XKR4: variants seen among roughly 807,000 people sequenced by gnomAD.
XKR4 encodes the protein XK-related protein 4.
Under a neutral mutation model 53.9 loss-of-function variants are expected in XKR4, and 12 were observed. The observed-to-expected ratio is 0.22, with a 90% CI of 0.14 to 0.36. The LOEUF (loss-of-function observed/expected upper bound fraction) is 0.36. Among genes scored for constraint, XKR4 ranks in the 10% least tolerant of loss-of-function variants. XKR4 has a pLI of 1.00. For synonymous variants in XKR4, 354 were observed against 362.4 expected (o/e 0.98, Z 0.26); for missense variants, 799 against 859.5 (o/e 0.93, Z 0.88).
intron 2 of XKR4, among the ~76,000 whole-genome samples, chr8:55,464,436 C>T (rs1383803457): frequency 1.3e-5 from 2 of 152,112 alleles, no homozygotes; most frequent in Non-Finnish European, 2.9e-5. Flanking sequence ...ACGCTTCATG[C>T]TAAAAACTCT....
At chr8:55,322,599 G>A (rs892329266) in intron 1 of XKR4, among the ~76,000 whole-genome samples, 1 of 152,172 alleles carries the variant, frequency 6.6e-6, no homozygotes, top group Admixed American at 6.5e-5. Flanking sequence ...TACCATTAGA[G>A]AAGACGAGTT....
chr8:55,197,783 T>G (rs1817524548), intron 1 of XKR4, among the ~76,000 whole-genome samples: 1 of 152,146 alleles, frequency 6.6e-6, no homozygotes, highest in South Asian at 2.1e-4. Flanking sequence ...GACCTCGTGA[T>G]CCACCTGCCT....
rs67070277 is a variant in XKR4 at position 55,207,632 on chromosome 8, GCGCGCACACACACACA to G, written c.806+104357_806+104372del. On this transcript the variant is annotated intron_variant, in intron 1 of 2. Coordinates refer to ENST00000327381, the MANE Select transcript of XKR4 (RefSeq NM_052898.2). ...ACACCTTATACACACACACACATGC[GCGCGCACACACACACA>G]CGCGCACACACACACACGTCTTTTG... 4.2e-3 allele frequency among the ~76,000 whole-genome samples: 15 copies of G among 3,568 alleles called. No individual in the cohort carries two copies. The South Asian group carries it at 0.047, about 11-fold the overall frequency. The allele number at this position is 3,568 out of a possible 152,430, so 2.3% of individuals were successfully genotyped here.
At chr8:55,469,128 T>C (rs1370315601) in intron 2 of XKR4, among the ~76,000 whole-genome samples, 3 of 152,126 alleles carry the variant, frequency 2.0e-5, no homozygotes, top group Admixed American at 6.5e-5. Flanking sequence ...TCTGTCTCCC[T>C]GCCTTTTTCC....
chr8:55,208,315 A>G (rs1817678327), intron 1 of XKR4, among the ~76,000 whole-genome samples: 1 of 152,208 alleles, frequency 6.6e-6, no homozygotes, highest in Non-Finnish European at 1.5e-5. Flanking sequence ...CTAGTAGCAG[A>G]GATATGATGA....
chr8:55,538,849 A>G lies in XKR4; in HGVS notation c.*14622A>G, dbSNP rs1235174594. The G allele has an allele frequency of 6.6e-6, 1 of 152,220 alleles. No homozygotes were observed. The highest frequency in any genetic ancestry group is 1.5e-5 in the Non-Finnish European group (1 of 68,044). 9.4% of individuals were successfully genotyped at this position (152,220 alleles called of 1,614,324 possible). On this transcript the variant is annotated 3_prime_UTR_variant, in exon 3 of 3. Transcript: ENST00000327381. ...ATTGAGTATCCTCTTCACCCCTAAG[A>G]TGACACATCTTTACAACACAATAAA...
At chr8:55,348,016 G>A (rs1803673544) in intron 1 of XKR4, among the ~76,000 whole-genome samples, 1 of 152,010 alleles carries the variant, frequency 6.6e-6, no homozygotes, top group South Asian at 2.1e-4. Context: ...ACCCTACCTA[G>A]CCCCCAGCCT....
At chr8:55,488,612 A>ATT (rs1197909843) in intron 2 of XKR4, among the ~76,000 whole-genome samples, 11 of 152,220 alleles carry the variant, frequency 7.2e-5, no homozygotes, top group Non-Finnish European at 1.5e-4. Flanking sequence ...AATTTCAACT[A>ATT]TATGATATTC....
At chr8:55,422,608 G>A (rs1474485206) in intron 2 of XKR4, among the ~76,000 whole-genome samples, 1 of 152,226 alleles carries the variant, frequency 6.6e-6, no homozygotes, top group Non-Finnish European at 1.5e-5. Context: ...AGCAGTGCAA[G>A]AGCAGCTGAG....
chr8:55,341,274 T>C (rs1463484197), intron 1 of XKR4, among the ~76,000 whole-genome samples: 1 of 152,060 alleles, frequency 6.6e-6, no homozygotes, highest in Non-Finnish European at 1.5e-5. Context: ...GAGGCAGTGG[T>C]CAGAACCCTT....
At chr8:55,145,977 G>A (rs550005342) in intron 1 of XKR4, among the ~76,000 whole-genome samples, 73 of 152,324 alleles carry the variant, frequency 4.8e-4, no homozygotes, top group African/African-American at 1.7e-3. Context: ...TGGTAATGTA[G>A]ACATTATCTT....
rs549824209 is a variant in XKR4, at chr8:55,510,161, C to G, written c.1007-13120C>G. On this transcript the variant is annotated intron_variant, in intron 2 of 2. Coordinates refer to ENST00000327381, the MANE Select transcript of XKR4 (RefSeq NM_052898.2). ...AGGGAAGGTCAATACTGCAAGAAGG[C>G]CAGGCAGAAGGCCTAGGTGGCAGAG... is the stretch of plus-strand genomic sequence containing the variant. Among the ~76,000 whole-genome samples, 8 of 152,092 alleles carry G rather than the reference C, an allele frequency of 5.3e-5. No individual in the cohort carries two copies. The South Asian group carries it at 6.2e-4, about 12-fold the overall frequency.
intron 2 of XKR4, among the ~76,000 whole-genome samples, chr8:55,367,640 A>T (rs1350621477): frequency 6.6e-6 from 1 of 152,200 alleles, no homozygotes; most frequent in Non-Finnish European, 1.5e-5. Flanking sequence ...AAAACGTGGC[A>T]TTTTGAGTCC....
chr8:55,352,493 G>A (rs935243181), intron 1 of XKR4, among the ~76,000 whole-genome samples: 3 of 152,238 alleles, frequency 2.0e-5, no homozygotes, highest in African/African-American at 7.2e-5. Context: ...GGGAGTCATT[G>A]AGGTTTGGGT....
chr8:55,477,043 T>C (rs1806000234), intron 2 of XKR4, among the ~76,000 whole-genome samples: 2 of 151,736 alleles, frequency 1.3e-5, no homozygotes, highest in African/African-American at 4.8e-5. Context: ...TTGAAGAGAG[T>C]ATTGGTTCTC....
intron 1 of XKR4, chr8:55,161,423 T>C (rs905573439): frequency 2.4e-6 from 1 of 408,744 alleles, no homozygotes; most frequent in African/African-American, 2.1e-5. Context: ...TCCCTGCTTC[T>C]CTCTGAGGTC....
At chr8:55,134,195 C>T (rs1816594647) in intron 1 of XKR4, among the ~76,000 whole-genome samples, 2 of 152,164 alleles carry the variant, frequency 1.3e-5, no homozygotes, top group Non-Finnish European at 2.9e-5. Context: ...GCTGAGCTCA[C>T]CCGAAATTCT....
intron 2 of XKR4, among the ~76,000 whole-genome samples, chr8:55,481,419 G>T (rs1040091480): frequency 2.0e-5 from 3 of 151,812 alleles, no homozygotes; most frequent in Non-Finnish European, 2.9e-5. Context: ...AGACTTACAT[G>T]TTAGACCTAA....
rs193070961 is a variant in XKR4, at chr8:55,371,363, G to A, written c.1006+13486G>A. Among the ~76,000 whole-genome samples the A allele has an allele frequency of 2.9e-4, 44 of 152,206 alleles. No individual in the cohort carries two copies. In the East Asian group the frequency reaches 6.2e-3, roughly 21 times the overall value. On this transcript the variant is annotated intron_variant, in intron 2 of 2. Coordinates refer to ENST00000327381, the MANE Select transcript of XKR4 (RefSeq NM_052898.2). ...GAATTGCTGATGTTATTGGCAGCAC[G>A]TAATTAGATTTATTCCCAACACTTG...
Sources: allele counts gnomAD v4.1 joint callset (sites outside exome capture counted in the v4.1 genomes callset), GRCh38; gene constraint gnomAD v4.1.1; transcripts MANE v1.5; gene names NCBI Gene and HGNC (gene_info 2026-07-23, HGNC 2026-07-21).